PDCL3: variants seen among roughly 807,000 people sequenced by gnomAD.
The protein encoded by PDCL3 is phosducin like 3.
PDCL3 carries 22 observed loss-of-function variants against 26.5 expected under a neutral mutation model. The ratio of observed to expected loss-of-function variants is 0.83; its 90% CI spans 0.59 to 1.19. The LOEUF (loss-of-function observed/expected upper bound fraction) is 1.19. Among genes scored for constraint, PDCL3 ranks in the 50% most tolerant of loss-of-function variants. The pLI is 0.00. For missense variants in PDCL3, 246 were observed against 294.1 expected (o/e 0.84, Z 1.20); for synonymous variants, 81 against 104.9 (o/e 0.77, Z 1.39).
chr2:100,569,176 A>T (rs996152684), intron 3 of PDCL3, among the ~76,000 whole-genome samples, 155 bp downstream of exon 3: 2 of 151,770 alleles, frequency 1.3e-5, no homozygotes, highest in African/African-American at 4.8e-5. Context: ...AGATCGCTTG[A>T]GCTCAGAAGT....
chr2:100,571,513 G>A, intron 4 of PDCL3, 77 bp from the exon 5 acceptor site: 1 of 1,296,028 alleles, frequency 7.7e-7, no homozygotes, highest in Non-Finnish European at 1.1e-6. Flanking sequence ...TTTTACTTAG[G>A]GTAGAAGGGT....
chr2:100,573,671 CAAA>C (rs67667967), intron 5 of PDCL3, among the ~76,000 whole-genome samples: 24 of 104,886 alleles, frequency 2.3e-4, no homozygotes, highest in Admixed American at 4.0e-4. Context: ...AACTCTATCT[CAAA>C]AAAAAAAAAA....
Position 100,572,547 on chromosome 2 carries a change from C to T in PDCL3, c.577+749C>T, listed in dbSNP as rs1201540135. 4.9e-5 allele frequency among the ~76,000 whole-genome samples: 7 copies of T among 143,050 alleles called. No homozygotes were observed. The South Asian group carries it at 1.3e-3, about 27-fold the overall frequency. 93.8% of individuals were successfully genotyped at this position (143,050 alleles called of 152,430 possible). A position where few individuals can be genotyped will look rare whatever the true frequency, so the allele number is the denominator to read the frequency against. ...ATTTATTTTTTTTGAGACAGAGTTT[C>T]ACTCTTCTTGCCCAGGCTGGAGTGC... On this transcript the variant is annotated intron_variant, in intron 5 of 5. Coordinates refer to ENST00000264254, the MANE Select transcript of PDCL3 (RefSeq NM_024065.5).
At chr2:100,575,431 G>A (rs373445450) in intron 5 of PDCL3, among the ~76,000 whole-genome samples, 19 of 152,320 alleles carry the variant, frequency 1.2e-4, no homozygotes, top group African/African-American at 3.4e-4. Context: ...CACCGCGCCC[G>A]GCCTGGTTTT....
rs1008381191 is a variant in PDCL3 at position 100,563,326 on chromosome 2, C to T, written c.6+253C>T. On this transcript the variant is annotated intron_variant, in intron 1 of 5. Transcript: ENST00000264254. ...CGTCCTCCGGGACTATGTCTTCTCG[C>T]GGTCTCTACCCACCCGGGCCTGTGA... 3.0e-5 allele frequency: 14 copies of T among 470,444 alleles called. No homozygotes were observed. The East Asian group carries it at 4.0e-4, about 13-fold the overall frequency. 29.1% of individuals were successfully genotyped at this position (470,444 alleles called of 1,614,324 possible). A position where few individuals can be genotyped will look rare whatever the true frequency, so the allele number is the denominator to read the frequency against.
rs543390165 is a variant in PDCL3 at position 100,566,409 on chromosome 2, C to T, written c.7-94C>T. ...TTCACAGACTGGTGTGCATTCCTCC[C>T]TTCCTGTCACTTTTCCCATTTGGCC... On this transcript the variant is annotated intron_variant, in intron 1 of 5. Transcript: ENST00000264254. 5.1e-4 allele frequency: 744 copies of T among 1,453,596 alleles called. 2 individuals are homozygous for T. Among genetic ancestry groups the T allele is most frequent in the Admixed American group, 1.2e-3 (65 of 53,842 alleles). The allele number at this position is 1,453,596 out of a possible 1,614,324, so 90.0% of individuals were successfully genotyped here.
At position 100,576,485 on chromosome 2, in the gene PDCL3, G is replaced by A. The variant is rs201395644; in HGVS notation, c.709G>A (p.Glu237Lys). 76 of 1,603,498 alleles carry A rather than the reference G, an allele frequency of 4.7e-5. No individual in the cohort carries two copies. In the East Asian group the frequency reaches 6.8e-4, roughly 14 times the overall value. Residue 237 changes from glutamate to lysine, a missense_variant, in exon 6 of 6, where the codon GAG (glutamate) becomes AAG (lysine). Physicochemically the swap from Glu to Lys is moderately conservative, Grantham distance 56 (BLOSUM62 1). Coordinates refer to ENST00000264254, the MANE Select transcript of PDCL3 (RefSeq NM_024065.5). Reference sequence around the variant, plus strand: ...CCTCATGAAGAGGGACAGCGATTCCGAGGGTGACTGAGGCTACAGCTTCTA... The same window carrying A: ...CCTCATGAAGAGGGACAGCGATTCCAAGGGTGACTGAGGCTACAGCTTCTA... ...SVLMKRDSDSEGD is the reference protein window; with the variant it reads ...SVLMKRDSDSKGD
chr2:100,565,996 C>T (rs992425822), intron 1 of PDCL3, among the ~76,000 whole-genome samples: 1 of 152,120 alleles, frequency 6.6e-6, no homozygotes, highest in African/African-American at 2.4e-5. Context: ...CTCCGCCTCC[C>T]GGGTTTATGC....
At chr2:100,574,703 C>T (rs1214043109) in intron 5 of PDCL3, among the ~76,000 whole-genome samples, 1 of 152,158 alleles carries the variant, frequency 6.6e-6, no homozygotes, top group African/African-American at 2.4e-5. Flanking sequence ...CAGAACTTAC[C>T]ATCTTATAAC....
rs1240443379 is a variant in PDCL3, at chr2:100,563,473, C to A, written c.6+400C>A. On this transcript the variant is annotated intron_variant, in intron 1 of 5. Coordinates refer to ENST00000264254, the MANE Select transcript of PDCL3 (RefSeq NM_024065.5). Reference sequence around the variant, plus strand: ...CTGGGGTCTTCCGCACGTAAAGCAGCGCCACAGCCGGTGTTCCTGGCTCCA... The same window carrying A: ...CTGGGGTCTTCCGCACGTAAAGCAGAGCCACAGCCGGTGTTCCTGGCTCCA... 5.2e-5 allele frequency: 9 copies of A among 172,756 alleles called. No homozygotes were observed. The East Asian group carries it at 1.4e-3, about 27-fold the overall frequency. 10.7% of individuals were successfully genotyped at this position (172,756 alleles called of 1,614,324 possible). A position where few individuals can be genotyped will look rare whatever the true frequency, so the allele number is the denominator to read the frequency against.
intron 5 of PDCL3, among the ~76,000 whole-genome samples, chr2:100,575,735 A>T (rs1277997270): frequency 6.6e-6 from 1 of 152,196 alleles, no homozygotes; most frequent in Non-Finnish European, 1.5e-5. Context: ...CCATACATTT[A>T]TTCTTTGACC....
chr2:100,567,410 C>T (rs1009133718), intron 2 of PDCL3, among the ~76,000 whole-genome samples: 9 of 152,072 alleles, frequency 5.9e-5, no homozygotes, highest in East Asian at 5.8e-4. Context: ...GTGGGGGAGA[C>T]AGACAATAAA....
intron 5 of PDCL3, among the ~76,000 whole-genome samples, chr2:100,573,224 CAAA>C (rs1487466651): frequency 4.6e-5 from 7 of 152,100 alleles, no homozygotes; most frequent in African/African-American, 1.7e-4. Context: ...ATGGAGGTAT[CAAA>C]ATACATACCC....
At chr2:100,563,233 C>CGGGCGTGGTCCCACCAGGACCCACGGCCT (rs1674986225) in intron 1 of PDCL3, 160 bp downstream of exon 1, 1 of 869,842 alleles carries the variant, frequency 1.1e-6, no homozygotes. Context: ...GTGCGGGAGG[C>CGGGCGTGGTCCCACCAGGACCCACGGCCT]GGGCGTGGTC....
rs751401676 is a variant in PDCL3, at chr2:100,571,597, C to G, written c.376C>G (p.Leu126Val). 24 of 1,612,620 alleles carry G rather than the reference C, an allele frequency of 1.5e-5. No individual in the cohort carries two copies. The highest frequency in any genetic ancestry group is 1.9e-5 in the Non-Finnish European group (23 of 1,179,816). The change falls in exon 5 of 6, where the codon CTC becomes GTC. Residue 126 changes from leucine (L) to valine (V), a missense_variant. Transcript: ENST00000264254. ...TCTATGTGTGTTTTATAGAATTCCCCTCTGTGCCCTGATAAATCAGCACCT... is the reference window on the plus strand; with the variant it reads ...TCTATGTGTGTTTTATAGAATTCCCGTCTGTGCCCTGATAAATCAGCACCT... The part of the protein sequence containing the change: ...ILHLYKQGIP[L>V]CALINQHLSG...
At chr2:100,565,650 T>C (rs1675047285) in intron 1 of PDCL3, among the ~76,000 whole-genome samples, 2 of 152,316 alleles carry the variant, frequency 1.3e-5, no homozygotes, top group Admixed American at 1.3e-4. Context: ...ACCTCCTCTG[T>C]AGGGAACATC....
At chr2:100,563,332 C>A (rs1407396287) in intron 1 of PDCL3, 1 of 464,508 alleles carries the variant, frequency 2.2e-6, no homozygotes, top group Non-Finnish European at 3.8e-6. Context: ...CTCGCGGTCT[C>A]TACCCACCCG....
chr2:100,570,861 T>C (rs1326076596), intron 4 of PDCL3, among the ~76,000 whole-genome samples: 2 of 152,222 alleles, frequency 1.3e-5, no homozygotes, highest in Non-Finnish European at 1.5e-5. Flanking sequence ...TTATAAGAAA[T>C]GTATAGCAAT....
At chr2:100,566,736 G>C (rs1675069332) in intron 2 of PDCL3, 107 bp downstream of exon 2, 4 of 1,501,758 alleles carry the variant, frequency 2.7e-6, no homozygotes, top group Non-Finnish European at 3.6e-6. Flanking sequence ...TGGACACTCT[G>C]TGTCTGTGGG....
Sources: allele counts gnomAD v4.1 joint callset (sites outside exome capture counted in the v4.1 genomes callset), GRCh38; gene constraint gnomAD v4.1.1; transcripts MANE v1.5; gene names NCBI Gene and HGNC (gene_info 2026-07-23, HGNC 2026-07-21).